The following ATP9B variants were observed in gnomAD, a reference collection of about 807,000 sequenced individuals.
ATP9B encodes probable phospholipid-transporting ATPase IIB.
ATP9B carries 110 observed loss-of-function variants against 146.1 expected under a neutral mutation model. The ratio of observed to expected loss-of-function variants is 0.75; its 90% CI spans 0.65 to 0.88. ATP9B has a LOEUF of 0.88. Among genes scored for constraint, ATP9B ranks in the 40% least tolerant of loss-of-function variants. The pLI, the probability that ATP9B is intolerant of heterozygous loss-of-function variation, is 0.00. For missense variants in ATP9B, 1,499 were observed against 1,496.4 expected (o/e 1.00, Z -0.03); for synonymous variants, 604 against 569.7 (o/e 1.06, Z -0.86).
intron 19 of ATP9B, among the ~76,000 whole-genome samples, chr18:79,339,572 A>G (rs1051446667): frequency 2.0e-5 from 3 of 151,560 alleles, no homozygotes; most frequent in Admixed American, 6.6e-5. Context: ...TCATGATCGC[A>G]GTAGGAAGTA....
intron 4 of ATP9B, among the ~76,000 whole-genome samples, chr18:79,125,492 G>C (rs1413051036): frequency 6.6e-6 from 1 of 152,150 alleles, no homozygotes; most frequent in African/African-American, 2.4e-5. Context: ...AAATAAAAAA[G>C]ATTATTGTGC....
At chr18:79,328,112 T>TTAGCGTGCTCTCCGTGGA (rs1568703421) in intron 15 of ATP9B, among the ~76,000 whole-genome samples, 2 of 148,768 alleles carry the variant, frequency 1.3e-5, no homozygotes, top group Non-Finnish European at 3.0e-5. Context: ...CTCTCTGTGG[T>TTAGCGTGCTCTCCGTGGA]TAGCGTGCTC....
At chr18:79,206,822 A>C (rs1163166989) in intron 9 of ATP9B, 115 bp from the exon 10 acceptor site, 2 of 890,856 alleles carry the variant, frequency 2.2e-6, no homozygotes, top group Non-Finnish European at 3.4e-6. Context: ...GTGCCTTTGC[A>C]CTGCTGTTCA....
intron 7 of ATP9B, chr18:79,174,151 G>A: frequency 2.4e-6 from 1 of 415,798 alleles, no homozygotes; most frequent in South Asian, 1.8e-5. Context: ...TATCTTTCTG[G>A]AAGTAAACTT....
chr18:79,241,321 C>A (rs1482142523), intron 11 of ATP9B, among the ~76,000 whole-genome samples: 1 of 152,124 alleles, frequency 6.6e-6, no homozygotes, highest in Admixed American at 6.5e-5. Context: ...TCTGTTATGG[C>A]CTCGCTACCT....
chr18:79,193,146 A>G (rs757704260), intron 8 of ATP9B, 37 bp from the exon 9 acceptor site: 23 of 1,445,504 alleles, frequency 1.6e-5, no homozygotes, highest in African/African-American at 8.5e-5. Flanking sequence ...TTACTAAACT[A>G]TAACATTCTA....
At chr18:79,277,256 G>A in intron 13 of ATP9B, 60 bp downstream of exon 13, 2 of 1,583,560 alleles carry the variant, frequency 1.3e-6, no homozygotes, top group Non-Finnish European at 1.7e-6. Flanking sequence ...ATAAAAAATA[G>A]CATAGCGTAT....
In ATP9B at chr18:79,094,866, A is replaced by G. The variant is rs117303322; in HGVS notation, c.120-1610A>G. 1.4e-4 allele frequency among the ~76,000 whole-genome samples: 21 copies of G among 152,304 alleles called. No homozygotes were observed. In the East Asian group the frequency reaches 4.1e-3, roughly 29 times the overall value. On this transcript the variant is annotated intron_variant, in intron 1 of 29. Coordinates refer to ENST00000426216, the MANE Select transcript of ATP9B (RefSeq NM_198531.5). The stretch of plus-strand genomic sequence containing the variant: ...GAATTACTAGGAATGAAAATATGAC[A>G]GGTTGTGATCAGAAATATGATTCCA...
At chr18:79,317,553 A>T (rs1047662904) in intron 15 of ATP9B, among the ~76,000 whole-genome samples, 1 of 152,204 alleles carries the variant, frequency 6.6e-6, no homozygotes, top group Non-Finnish European at 1.5e-5. Context: ...AAAAGTAGTG[A>T]TTTGTGGGGT....
In ATP9B at chr18:79,303,731, C is replaced by A; in HGVS notation, c.1524+15C>A. On this transcript the variant is annotated intron_variant, in intron 14 of 29. Coordinates refer to ENST00000426216, the MANE Select transcript of ATP9B (RefSeq NM_198531.5). Reference sequence around the variant, plus strand: ...CCTACTCACAGGTAAGTGGGTTCCTCCTGCACGGGGTCTGCTTCCACACAC... The same window carrying A: ...CCTACTCACAGGTAAGTGGGTTCCTACTGCACGGGGTCTGCTTCCACACAC... 1 of 1,597,564 alleles carries A rather than the reference C, an allele frequency of 6.3e-7. No homozygotes were observed. The highest frequency in any genetic ancestry group is 8.6e-7 in the Non-Finnish European group (1 of 1,165,872).
intron 12 of ATP9B, among the ~76,000 whole-genome samples, chr18:79,268,734 C>T (rs1332859838): frequency 1.3e-5 from 2 of 152,186 alleles, no homozygotes; most frequent in South Asian, 2.1e-4. Flanking sequence ...GGTTTATCCA[C>T]GTTTCGGTTC....
intron 7 of ATP9B, among the ~76,000 whole-genome samples, chr18:79,176,460 G>C (rs970641830): frequency 1.3e-5 from 2 of 152,040 alleles, no homozygotes; most frequent in Admixed American, 1.3e-4. Flanking sequence ...ATATTTTTGT[G>C]TATTTGTTAT....
At chr18:79,208,753 G>A (rs943680945) in intron 10 of ATP9B, among the ~76,000 whole-genome samples, 59 of 151,366 alleles carry the variant, frequency 3.9e-4, no homozygotes, top group African/African-American at 1.2e-3. Context: ...GTGTGTGTGT[G>A]TATATATATA....
At chr18:79,376,214 C>CACACACACACACACA in intron 29 of ATP9B, 1 of 876,950 alleles carries the variant, frequency 1.1e-6, no homozygotes. Flanking sequence ...CACACACACA[C>CACACACACACACACA]AAAACAAAAC....
chr18:79,272,399 C>G (rs1159716463), intron 12 of ATP9B, among the ~76,000 whole-genome samples: 1 of 152,194 alleles, frequency 6.6e-6, no homozygotes, highest in Non-Finnish European at 1.5e-5. Context: ...TGGTGCACAT[C>G]TGCACTCCGG....
chr18:79,278,818 C>T (rs776660257), intron 13 of ATP9B, among the ~76,000 whole-genome samples: 1 of 151,906 alleles, frequency 6.6e-6, no homozygotes, highest in Non-Finnish European at 1.5e-5. Flanking sequence ...TTCCCAACCT[C>T]ATGAAGCCTA....
intron 15 of ATP9B, among the ~76,000 whole-genome samples, chr18:79,319,576 T>C (rs1443438113): frequency 6.6e-6 from 1 of 152,212 alleles, no homozygotes; most frequent in African/African-American, 2.4e-5. Flanking sequence ...TTTCCTTCCC[T>C]ACGTCTCCAC....
intron 25 of ATP9B, among the ~76,000 whole-genome samples, chr18:79,356,783 G>A (rs112876404): frequency 6.6e-6 from 1 of 152,198 alleles, no homozygotes; most frequent in Non-Finnish European, 1.5e-5. Flanking sequence ...GCAGCCGCAG[G>A]AGGGACCCTG....
At chr18:79,124,158 TAG>T (rs1568226021) in intron 4 of ATP9B, among the ~76,000 whole-genome samples, 1 of 147,332 alleles carries the variant, frequency 6.8e-6, no homozygotes, top group East Asian at 1.9e-4. Flanking sequence ...GGCAAACTCA[TAG>T]AGACAGAAAG....
Sources: allele counts gnomAD v4.1 joint callset (sites outside exome capture counted in the v4.1 genomes callset), GRCh38; gene constraint gnomAD v4.1.1; transcripts MANE v1.5; gene names NCBI Gene and HGNC (gene_info 2026-07-23, HGNC 2026-07-21).